SCNN1D: variants seen among roughly 807,000 people sequenced by gnomAD.
SCNN1D encodes epithelial sodium channel subunit delta.
SCNN1D carries 104 observed loss-of-function variants against 87.8 expected under a neutral mutation model. That is an observed-to-expected ratio of 1.18 (90% CI 1.01 to 1.39). The LOEUF (loss-of-function observed/expected upper bound fraction) is 1.39. Among genes scored for constraint, SCNN1D ranks in the 40% most tolerant of loss-of-function variants. The pLI is 0.00. For synonymous variants in SCNN1D, 628 were observed against 481.2 expected, an observed-to-expected ratio of 1.31 and a Z score of -3.99; for missense variants, 1,324 against 1,093.9, an observed-to-expected ratio of 1.21 and a Z score of -2.97.
intron 5 of SCNN1D, among the ~76,000 whole-genome samples, chr1:1,284,300 G>A (rs1371593522): frequency 2.8e-5 from 3 of 108,580 alleles, no homozygotes; most frequent in Non-Finnish European, 5.6e-5. Context: ...ACCGTGGGGG[G>A]ATTGGGGTGG....
At chr1:1,281,327 G>A (rs1640466090) in intron 2 of SCNN1D, 30 bp downstream of exon 2, 1 of 1,535,326 alleles carries the variant, frequency 6.5e-7, no homozygotes, top group Non-Finnish European at 8.7e-7. Flanking sequence ...CGGTCAATGG[G>A]GCCTGGCCGT....
Position 1,290,350 on chromosome 1 carries a change from G to C in SCNN1D, c.1742G>C (p.Gly581Ala). 6.3e-7 allele frequency: 1 copy of C among 1,597,400 alleles called. No homozygotes were observed. Residue 581 changes from glycine (G) to alanine (A), a missense_variant, in exon 13 of 18, where the codon GGG becomes GCG. Physicochemically the swap from Gly to Ala is moderately conservative, Grantham distance 60. Coordinates refer to ENST00000379116, the MANE Select transcript of SCNN1D (RefSeq NM_001130413.4). ...TACTACCTCCACCCTCTGCCGGCGG[G>C]GGCTGAGTACTGCAGCTCTGCCCGG... The part of the protein sequence containing the change: ...CGYYLHPLPA[G>A]AEYCSSARHP...
chr1:1,288,235 C>CA lies in SCNN1D; in HGVS notation c.1662+198_1662+199insA, dbSNP rs1557584232. Reference sequence around the variant, plus strand: ...TCTGCTCCGTCCCGTGTCTCTGCTCCGTCCCGTGTCTCTGCTCCGTCCCGT... The same window carrying CA: ...TCTGCTCCGTCCCGTGTCTCTGCTCCAGTCCCGTGTCTCTGCTCCGTCCCGT... On this transcript the variant is annotated intron_variant, in intron 12 of 17. Coordinates refer to ENST00000379116, the MANE Select transcript of SCNN1D (RefSeq NM_001130413.4). 4.2e-3 allele frequency among the ~76,000 whole-genome samples: 588 copies of CA among 139,628 alleles called. 6 individuals carry two copies. Among genetic ancestry groups the CA allele is most frequent in the African/African-American group, 0.015 (549 of 36,230 alleles). 91.6% of individuals were successfully genotyped at this position (139,628 alleles called of 152,430 possible).
chr1:1,280,478 A>AG lies in SCNN1D; in HGVS notation c.-184_-183insG. The AG allele has an allele frequency of 2.0e-6, 1 of 491,198 alleles. No homozygotes were observed. The highest frequency in any genetic ancestry group is 3.2e-5 in the East Asian group (1 of 31,180). The allele number at this position is 491,198 out of a possible 1,614,324, so 30.4% of individuals were successfully genotyped here. A position where few individuals can be genotyped will look rare whatever the true frequency, so the allele number is the denominator to read the frequency against. On this transcript the variant is annotated 5_prime_UTR_variant, in exon 1 of 18. Coordinates refer to ENST00000379116, the MANE Select transcript of SCNN1D (RefSeq NM_001130413.4). ...CTCCATCTCAATAAATAAAAAAAAA[A>AG]AAGAGTTGTTATCAGTAGAAGGGAA...
At chr1:1,288,198 AT>A (rs1640652047) in intron 12 of SCNN1D, among the ~76,000 whole-genome samples, 161 bp downstream of exon 12, 2 of 147,692 alleles carry the variant, frequency 1.4e-5, no homozygotes, top group African/African-American at 2.5e-5. Flanking sequence ...TCCCCGCTCC[AT>A]TCCCTGTGTC....
rs768765293 is a variant in SCNN1D at position 1,286,054 on chromosome 1, C to T, written c.687C>T (p.Thr229=). 14 of 1,589,184 alleles carry T rather than the reference C, an allele frequency of 8.8e-6. No individual in the cohort carries two copies. Among genetic ancestry groups the T allele is most frequent in the East Asian group, 6.9e-5 (3 of 43,776 alleles). ...GGGAGCTGCTCACCTTCTTCTGCAC[C>T]AATGCCACCATCCACGGCGCCATCC... ...SFRELLTFFC[T]NATIHGAIRL... The change falls in exon 7 of 18, where the codon ACC becomes ACT. Residue 229 remains threonine (T), a synonymous_variant. Coordinates refer to ENST00000379116, the MANE Select transcript of SCNN1D (RefSeq NM_001130413.4).
rs1294283536 is a variant in SCNN1D at position 1,284,574 on chromosome 1, C to T, written c.464+484C>T. Among the ~76,000 whole-genome samples, 8 of 138,606 alleles carry T rather than the reference C, an allele frequency of 5.8e-5. No individual in the cohort carries two copies. The South Asian group carries it at 1.2e-3, about 20-fold the overall frequency. The allele number at this position is 138,606 out of a possible 152,430, so 90.9% of individuals were successfully genotyped here. A position where few individuals can be genotyped will look rare whatever the true frequency, so the allele number is the denominator to read the frequency against. ...GGGGTGCACAGCGTGTGCTGGACCA[C>T]GGGGGGTGCCGAGCGTGTGCTGGAC... On this transcript the variant is annotated intron_variant, in intron 5 of 17. Transcript: ENST00000379116.
chr1:1,290,349 G>A lies in SCNN1D; in HGVS notation c.1741G>A (p.Gly581Arg), dbSNP rs1640760568. 7 of 1,596,872 alleles carry A rather than the reference G, an allele frequency of 4.4e-6. No homozygotes were observed. The highest frequency in any genetic ancestry group is 2.2e-5 in the South Asian group (2 of 89,030). The change falls in exon 13 of 18, where the codon GGG (glycine) becomes AGG (arginine). Residue 581 changes from glycine (G) to arginine (R), a missense_variant. By Grantham distance (125) the Gly-to-Arg change is moderately radical (BLOSUM62 -2). Transcript: ENST00000379116. ...CGYYLHPLPA[G>R]AEYCSSARHP... ...CTACTACCTCCACCCTCTGCCGGCGGGGGCTGAGTACTGCAGCTCTGCCCG... is the reference window on the plus strand; with the variant it reads ...CTACTACCTCCACCCTCTGCCGGCGAGGGCTGAGTACTGCAGCTCTGCCCG...
Position 1,291,076 on chromosome 1 carries a change from C to T in SCNN1D, c.1988C>T (p.Ala663Val). The stretch of plus-strand genomic sequence containing the variant: ...CTATCCTGCCCCAGGAGCAGCCTGG[C>T]CAAAATCAACATCGTCTACCAGGAG... ...HQSHRQRSSLAKINIVYQELN... is the reference protein window; with the variant it reads ...HQSHRQRSSLVKINIVYQELN... Residue 663 changes from alanine (A) to valine (V), a missense_variant, in exon 17 of 18, where the codon GCC becomes GTC. Ala to Val is a moderately conservative substitution (Grantham distance 64). Coordinates refer to ENST00000379116, the MANE Select transcript of SCNN1D (RefSeq NM_001130413.4). 6.2e-7 allele frequency: 1 copy of T among 1,612,216 alleles called. No homozygotes were observed. The highest frequency in any genetic ancestry group is 8.5e-7 in the Non-Finnish European group (1 of 1,179,744).
At position 1,291,949 on chromosome 1, in the gene SCNN1D, C is replaced by G. The variant is rs1640834886; in HGVS notation, c.*339C>G. 2 of 217,948 alleles carry G rather than the reference C, an allele frequency of 9.2e-6. No homozygotes were observed. The highest frequency in any genetic ancestry group is 3.5e-4 in the South Asian group (2 of 5,722). The allele number at this position is 217,948 out of a possible 1,614,324, so 13.5% of individuals were successfully genotyped here. A position where few individuals can be genotyped will look rare whatever the true frequency, so the allele number is the denominator to read the frequency against. ...GTACGTGTGTCAAGCCTAGCCACCT[C>G]AGCTGCAGGGAGGCAGAAGGCAAGG... On this transcript the variant is annotated 3_prime_UTR_variant, in exon 18 of 18. Coordinates refer to ENST00000379116, the MANE Select transcript of SCNN1D (RefSeq NM_001130413.4).
chr1:1,290,547 G>GC lies in SCNN1D; in HGVS notation c.1854dup (p.Cys619LeufsTer30). 1 of 1,612,658 alleles carries GC rather than the reference G, an allele frequency of 6.2e-7. No individual in the cohort carries two copies. Among genetic ancestry groups the GC allele is most frequent in the South Asian group, 1.1e-5 (1 of 91,088 alleles). On this transcript the variant is annotated frameshift_variant, in exon 14 of 18. Coordinates refer to ENST00000379116, the MANE Select transcript of SCNN1D (RefSeq NM_001130413.4). LOFTEE classifies it high-confidence loss of function. ...TCCCCTGTACCTCCCGCTGCCCCAG[G>GC]CCCTGCAGGTGAGACGGGGGTGTTG...
rs779667199 is a variant in SCNN1D at position 1,287,825 on chromosome 1, A to G, written c.1552A>G (p.Ser518Gly). ...CCGGCCAGGGACGGAGGCCACCATCAGCATCCGAGAGGTGAGCTGGCCTCT... is the reference window on the plus strand; with the variant it reads ...CCGGCCAGGGACGGAGGCCACCATCGGCATCCGAGAGGTGAGCTGGCCTCT... ...SVRPGTEATI[S>G]IREDEVHRLG... The change falls in exon 11 of 18, where the codon AGC becomes GGC. Residue 518 changes from serine to glycine, a missense_variant. Coordinates refer to ENST00000379116, the MANE Select transcript of SCNN1D (RefSeq NM_001130413.4). 2.6e-6 allele frequency: 4 copies of G among 1,553,176 alleles called. No homozygotes were observed. The highest frequency in any genetic ancestry group is 3.5e-6 in the Non-Finnish European group (4 of 1,147,398).
intron 17 of SCNN1D, 38 bp from the exon 18 acceptor site, chr1:1,291,216 G>A (rs1317129749): frequency 8.9e-6 from 14 of 1,570,132 alleles, no homozygotes; most frequent in East Asian, 2.3e-5. Context: ...GGGCACGGGG[G>A]CCTGGGCCCG....
intron 12 of SCNN1D, 58 bp from the exon 13 acceptor site, chr1:1,290,213 C>A: frequency 1.6e-6 from 2 of 1,288,994 alleles, no homozygotes; most frequent in Non-Finnish European, 1.1e-6. Flanking sequence ...CGTGTCTCTG[C>A]CCCGTCCCCC....
In SCNN1D at chr1:1,283,954, G is replaced by A. The variant is rs758344733; in HGVS notation, c.352-24G>A. ...TCCCTCGCCTGCAGCACAGTCCCAC[G>A]CCCAGCCAGCCTGTTTTAAATAGGA... On this transcript the variant is annotated intron_variant, in intron 4 of 17. Coordinates refer to ENST00000379116, the MANE Select transcript of SCNN1D (RefSeq NM_001130413.4). 26 of 1,401,224 alleles carry A rather than the reference G, an allele frequency of 1.9e-5. No homozygotes were observed. The African/African-American group carries it at 2.5e-4, about 13-fold the overall frequency. 86.8% of individuals were successfully genotyped at this position (1,401,224 alleles called of 1,614,324 possible). A position where few individuals can be genotyped will look rare whatever the true frequency, so the allele number is the denominator to read the frequency against.
chr1:1,290,245 T>C, intron 12 of SCNN1D, 26 bp from the exon 13 acceptor site: 1 of 1,508,606 alleles, frequency 6.6e-7, no homozygotes. Flanking sequence ...CCATCCCATG[T>C]CCCTGCTCAT....
chr1:1,280,824 C>T, intron 1 of SCNN1D, 158 bp downstream of exon 1: 1 of 616,714 alleles, frequency 1.6e-6, no homozygotes, highest in East Asian at 2.8e-5. Context: ...ACGCACCTTA[C>T]TCCTCCCAGC....
chr1:1,286,012 G>A lies in SCNN1D; in HGVS notation c.645G>A (p.Glu215=), dbSNP rs766217220. The A allele has an allele frequency of 1.5e-5, 23 of 1,562,280 alleles. No individual in the cohort carries two copies. In the Admixed American group the frequency reaches 3.8e-4, roughly 26 times the overall value. Reference sequence around the variant, plus strand: ...AGGGGCACCAGGAGGGGCTGGTGGAGCTGCCCGCCTCGTTCCGGGAGCTGC... The same window carrying A: ...AGGGGCACCAGGAGGGGCTGGTGGAACTGCCCGCCTCGTTCCGGGAGCTGC... ...PKEGHQEGLV[E]LPASFRELLT... Residue 215 remains glutamate, a synonymous_variant, in exon 7 of 18, where the codon GAG becomes GAA. Coordinates refer to ENST00000379116, the MANE Select transcript of SCNN1D (RefSeq NM_001130413.4).
In SCNN1D at chr1:1,287,090, C is replaced by T. The variant is rs555301824; in HGVS notation, c.1120-19C>T. On this transcript the variant is annotated intron_variant, in intron 8 of 17. Transcript: ENST00000379116. Reference sequence around the variant, plus strand: ...CCTGGGCTGTAGCCACAGAGCTGACCCTCCCTCCCCTCTCCCAGTGCAACA... The same window carrying T: ...CCTGGGCTGTAGCCACAGAGCTGACTCTCCCTCCCCTCTCCCAGTGCAACA... The T allele has an allele frequency of 3.8e-6, 6 of 1,582,714 alleles. No homozygotes were observed. In the South Asian group the frequency reaches 5.7e-5, roughly 15 times the overall value.
Sources: gnomAD v4.1 joint callset for allele counts (sites outside exome capture counted in the v4.1 genomes callset) on GRCh38, gnomAD v4.1.1 for gene constraint, MANE v1.5 for transcripts, NCBI Gene and HGNC (gene_info 2026-07-23, HGNC 2026-07-21) for gene names.